APBB1IP: variants seen among roughly 807,000 people sequenced by gnomAD.
APBB1IP encodes the protein amyloid beta A4 precursor protein-binding family B member 1-interacting protein.
Under a neutral mutation model 64.9 loss-of-function variants are expected in APBB1IP, and 27 were observed. The ratio of observed to expected loss-of-function variants is 0.42; its 90% confidence interval spans 0.31 to 0.57. The LOEUF (loss-of-function observed/expected upper bound fraction) is 0.57. APBB1IP is among the 20% of genes least tolerant of loss of function. The pLI, the probability that APBB1IP is intolerant of heterozygous loss-of-function variation, is 0.20. For missense variants in APBB1IP, 812 were observed against 845.5 expected, an observed-to-expected ratio of 0.96 and a Z score of 0.49; for synonymous variants, 392 against 331.0, an observed-to-expected ratio of 1.18 and a Z score of -2.00.
At position 26,567,323 on chromosome 10, in the gene APBB1IP, C is replaced by A. The variant is rs535253635; in HGVS notation, c.1836C>A (p.Pro612=). 1.8e-5 allele frequency: 23 copies of A among 1,275,882 alleles called. No homozygotes were observed. Among genetic ancestry groups the A allele is most frequent in the South Asian group, 7.4e-5 (5 of 67,428 alleles). The allele number at this position is 1,275,882 out of a possible 1,614,324, so 79.0% of individuals were successfully genotyped here. Residue 612 remains proline (P), a synonymous_variant, in exon 15 of 15, where the codon CCC becomes CCA. Transcript: ENST00000376236. Reference sequence around the variant, plus strand: ...CGCCGCCCGCGCCCGCGCCCGCCCCCGTCCCCGACTCCGCCAGGCCGCCCC... The same window carrying A: ...CGCCGCCCGCGCCCGCGCCCGCCCCAGTCCCCGACTCCGCCAGGCCGCCCC... ...PPPPPAPAPA[P]VPDSARPPPA... is the part of the protein sequence containing the mutation.
rs1216651320 is a variant in APBB1IP at position 26,560,193 on chromosome 10, G to A, written c.1244G>A (p.Arg415Gln). The stretch of plus-strand genomic sequence containing the variant: ...CTTAACCAGTGGGTCATGGGAATAC[G>A]GATAGCCAAGGTGAGAGAGCGTTCG... ...RTLNQWVMGI[R>Q]IAKYGKTLYD... Residue 415 changes from arginine to glutamine, a missense_variant, in exon 12 of 15, where the codon CGG becomes CAG. By Grantham distance (43) the Arg-to-Gln change is conservative. Transcript: ENST00000376236. 6.2e-7 allele frequency: 1 copy of A among 1,613,836 alleles called. No homozygotes were observed. The highest frequency in any genetic ancestry group is 1.3e-5 in the African/African-American group (1 of 74,894).
chr10:26,543,735 G>C (rs77868200), intron 11 of APBB1IP, among the ~76,000 whole-genome samples: 1 of 152,112 alleles, frequency 6.6e-6, no homozygotes, highest in Non-Finnish European at 1.5e-5. Context: ...TGGGGCCAGG[G>C]CTCCTTTGGA....
intron 2 of APBB1IP, among the ~76,000 whole-genome samples, chr10:26,470,237 C>A (rs1835700211): frequency 6.6e-6 from 1 of 152,180 alleles, no homozygotes; most frequent in African/African-American, 2.4e-5. Context: ...TTCAACTCTT[C>A]ATTATAAAAG....
At chr10:26,522,199 TA>T (rs66815735) in intron 8 of APBB1IP, among the ~76,000 whole-genome samples, 25,664 of 141,204 alleles carry the variant, frequency 0.18, 2,471 homozygotes, top group East Asian at 0.37. Context: ...AATAAGTTTT[TA>T]TTTTTTTTAT....
chr10:26,482,086 G>A (rs1271354850), intron 2 of APBB1IP, among the ~76,000 whole-genome samples: 1 of 152,044 alleles, frequency 6.6e-6, no homozygotes, highest in Non-Finnish European at 1.5e-5. Context: ...TATGAATTTT[G>A]TTTGTGACTC....
intron 2 of APBB1IP, among the ~76,000 whole-genome samples, chr10:26,459,005 T>G (rs1024786625): frequency 6.6e-6 from 1 of 151,832 alleles, no homozygotes; most frequent in African/African-American, 2.4e-5. Context: ...TAGTTACATA[T>G]ATATACATGT....
chr10:26,559,862 T>C (rs1292424291), intron 11 of APBB1IP, among the ~76,000 whole-genome samples: 2 of 152,144 alleles, frequency 1.3e-5, no homozygotes, highest in East Asian at 3.8e-4. Context: ...CAGGCTCATC[T>C]CGAACTCCTG....
chr10:26,496,242 A>G, intron 3 of APBB1IP, 62 bp from the exon 4 acceptor site: 1 of 1,274,674 alleles, frequency 7.8e-7, no homozygotes, highest in East Asian at 2.4e-5. Flanking sequence ...CTTGCTGAGT[A>G]AAGTGTGCTA....
chr10:26,466,928 C>A (rs1319504540), intron 2 of APBB1IP, among the ~76,000 whole-genome samples: 1 of 150,292 alleles, frequency 6.7e-6, no homozygotes, highest in Non-Finnish European at 1.5e-5. Context: ...AGAGCAAGAC[C>A]CTATGGAAAA....
intron 2 of APBB1IP, among the ~76,000 whole-genome samples, chr10:26,475,483 G>C (rs1835765001): frequency 6.6e-6 from 1 of 152,142 alleles, no homozygotes; most frequent in Non-Finnish European, 1.5e-5. Flanking sequence ...GTGTCTAAGT[G>C]TGTGTTCCAC....
At chr10:26,560,006 C>T (rs1836946462) in intron 11 of APBB1IP, 99 bp from the exon 12 acceptor site, 2 of 977,432 alleles carry the variant, frequency 2.0e-6, no homozygotes, top group South Asian at 2.7e-5. Context: ...ACATAAATCA[C>T]ATATATTGTT....
At chr10:26,564,085 A>G (rs1385089925) in intron 14 of APBB1IP, among the ~76,000 whole-genome samples, 1 of 99,756 alleles carries the variant, frequency 1.0e-5, no homozygotes, top group Non-Finnish European at 2.6e-5. Flanking sequence ...TGTGAAGTAA[A>G]TAAACTAAAT....
At chr10:26,479,638 T>G (rs1835813132) in intron 2 of APBB1IP, among the ~76,000 whole-genome samples, 2 of 152,224 alleles carry the variant, frequency 1.3e-5, no homozygotes, top group South Asian at 4.1e-4. Flanking sequence ...TGTATATATC[T>G]AAAAAGCAAC....
intron 11 of APBB1IP, among the ~76,000 whole-genome samples, chr10:26,543,248 C>T (rs1373622963): frequency 6.6e-6 from 1 of 152,016 alleles, no homozygotes; most frequent in East Asian, 1.9e-4. Flanking sequence ...AGGCAGGTCA[C>T]TTGAGGCCAA....
chr10:26,485,100 G>A (rs540052981), intron 2 of APBB1IP, among the ~76,000 whole-genome samples: 1 of 152,294 alleles, frequency 6.6e-6, no homozygotes, highest in African/African-American at 2.4e-5. Flanking sequence ...GTGAGCCCCA[G>A]TGAAAGTTTT....
In APBB1IP at chr10:26,472,077, G is replaced by A. The variant is rs150362059; in HGVS notation, c.1-20250G>A. ...GGGTTTTCAGTGACAGATGCAGAAC[G>A]TTGACCAAGATGGGTGGGGGCTGCG... On this transcript the variant is annotated intron_variant, in intron 2 of 14. Coordinates refer to ENST00000376236, the MANE Select transcript of APBB1IP (RefSeq NM_019043.4). 8.9e-3 allele frequency among the ~76,000 whole-genome samples: 1,356 copies of A among 152,224 alleles called. 7 individuals are homozygous for A. Among genetic ancestry groups the A allele is most frequent in the Non-Finnish European group, 0.015 (1,038 of 68,016 alleles).
intron 5 of APBB1IP, 29 bp downstream of exon 5, chr10:26,501,140 A>T (rs764513151): frequency 1.2e-6 from 2 of 1,613,808 alleles, no homozygotes; most frequent in South Asian, 2.2e-5. Context: ...AGATGGCAGG[A>T]CCATCAACCT....
intron 2 of APBB1IP, among the ~76,000 whole-genome samples, chr10:26,441,688 T>C (rs1835339557): frequency 6.6e-6 from 1 of 152,136 alleles, no homozygotes; most frequent in African/African-American, 2.4e-5. Context: ...GTGACACCAC[T>C]CCAAGGCATC....
At chr10:26,559,434 G>A (rs1419939455) in intron 11 of APBB1IP, among the ~76,000 whole-genome samples, 1 of 151,584 alleles carries the variant, frequency 6.6e-6, no homozygotes, top group African/African-American at 2.4e-5. Context: ...TCAATTAGCT[G>A]GACATGGTGG....
Sources: gnomAD v4.1 joint callset for allele counts (sites outside exome capture counted in the v4.1 genomes callset) on GRCh38, gnomAD v4.1.1 for gene constraint, MANE v1.5 for transcripts, NCBI Gene and HGNC (gene_info 2026-07-23, HGNC 2026-07-21) for gene names.